Variants in PDE1C observed in about 807,000 individuals in gnomAD.
PDE1C encodes the protein phosphodiesterase 1C.
In PDE1C, 62 loss-of-function variants were observed where a neutral mutation model predicts 93.1. That is an observed-to-expected ratio of 0.67 (90% CI 0.54 to 0.82). The LOEUF is 0.82. Among genes scored for constraint, PDE1C ranks in the 40% least tolerant of loss-of-function variants. The pLI, the probability that PDE1C is intolerant of heterozygous loss-of-function variation, is 0.00. For synonymous variants in PDE1C, 325 were observed against 310.1 expected (o/e 1.05, Z -0.50); for missense variants, 742 against 884.6 (o/e 0.84, Z 2.04).
intron 2 of PDE1C, among the ~76,000 whole-genome samples, chr7:32,043,317 A>T (rs967176513): frequency 2.0e-5 from 3 of 152,122 alleles, no homozygotes; most frequent in Non-Finnish European, 4.4e-5. Context: ...GACTGATTCA[A>T]CCCTGTCAAT....
intron 2 of PDE1C, among the ~76,000 whole-genome samples, chr7:31,944,489 C>G (rs1449406365): frequency 6.6e-6 from 1 of 152,166 alleles, no homozygotes; most frequent in African/African-American, 2.4e-5. Context: ...GATCTTGCAC[C>G]TCACCTAACC....
At chr7:32,387,961 T>C (rs767040721) in intron 1 of PDE1C, among the ~76,000 whole-genome samples, 15 of 152,174 alleles carry the variant, frequency 9.9e-5, no homozygotes, top group African/African-American at 3.4e-4. Flanking sequence ...TCTACACTTA[T>C]GCCTTTGTGT....
At chr7:31,715,016 C>A in the PDE1C span, among the ~76,000 whole-genome samples, 39 of 152,196 alleles carry the variant, frequency 2.6e-4, no homozygotes, top group African/African-American at 9.1e-4. Context: ...GGATTATCAC[C>A]ATATGTTCTC....
chr7:32,097,385 G>A (rs1325724998), intron 3 of PDE1C, among the ~76,000 whole-genome samples: 2 of 152,186 alleles, frequency 1.3e-5, no homozygotes, highest in African/African-American at 4.8e-5. Context: ...AGACCAAAGT[G>A]CCAAACAGCA....
At chr7:32,252,957 T>G (rs1463344816) in intron 1 of PDE1C, among the ~76,000 whole-genome samples, 1 of 152,200 alleles carries the variant, frequency 6.6e-6, no homozygotes, top group East Asian at 1.9e-4. Flanking sequence ...CACCAGCTCT[T>G]GAGACCATAC....
At chr7:32,251,412 C>A (rs1003062440) in intron 1 of PDE1C, among the ~76,000 whole-genome samples, 6 of 152,206 alleles carry the variant, frequency 3.9e-5, no homozygotes, top group African/African-American at 1.4e-4. Context: ...AGACCAGGCA[C>A]CTTCGTCATC....
the PDE1C span, chr7:31,643,056 T>C: frequency 5.0e-6 from 8 of 1,613,836 alleles, no homozygotes; most frequent in African/African-American, 4.0e-5. Flanking sequence ...CTTCCAAATA[T>C]GATCATCCTC....
chr7:31,688,285 G>A, the PDE1C span, among the ~76,000 whole-genome samples: 4 of 152,208 alleles, frequency 2.6e-5, no homozygotes, highest in African/African-American at 9.7e-5. Flanking sequence ...AGTTCACCCA[G>A]CTAGAGAGTG....
chr7:32,168,565 C>G (rs1261850921), intron 3 of PDE1C, among the ~76,000 whole-genome samples: 2 of 152,176 alleles, frequency 1.3e-5, no homozygotes, highest in Admixed American at 1.3e-4. Context: ...TCATGGTCCC[C>G]TCTTTCACCA....
At chr7:32,224,001 C>T (rs1411874588) in intron 1 of PDE1C, among the ~76,000 whole-genome samples, 7 of 152,186 alleles carry the variant, frequency 4.6e-5, no homozygotes, top group Non-Finnish European at 8.8e-5. Flanking sequence ...GCTCCACCTG[C>T]GGCCTTCTCA....
At chr7:31,781,164 G>T (rs777985354) in intron 16 of PDE1C, among the ~76,000 whole-genome samples, 1 of 152,188 alleles carries the variant, frequency 6.6e-6, no homozygotes, top group Non-Finnish European at 1.5e-5. Context: ...CCTAAGACTC[G>T]GGACTTCACA....
At chr7:32,046,213 TAA>T (rs1010966269) in intron 2 of PDE1C, among the ~76,000 whole-genome samples, 19,217 of 147,042 alleles carry the variant, frequency 0.13, 1,403 homozygotes, top group East Asian at 0.28. Flanking sequence ...GCCTTTTTTT[TAA>T]AAAAAAAAAA....
chr7:32,354,418 G>C (rs1047002174), intron 1 of PDE1C, among the ~76,000 whole-genome samples: 4 of 152,146 alleles, frequency 2.6e-5, no homozygotes, highest in African/African-American at 9.7e-5. Flanking sequence ...CTTGAGGCCA[G>C]AAGTTTGAGA....
chr7:31,619,852 G>C, the PDE1C span, among the ~76,000 whole-genome samples: 2 of 152,166 alleles, frequency 1.3e-5, no homozygotes, highest in African/African-American at 4.8e-5. Flanking sequence ...CCCTTTCCTA[G>C]TCAAAGAAAG....
chr7:31,897,485 T>G (rs1362103920), intron 2 of PDE1C, among the ~76,000 whole-genome samples: 1 of 152,206 alleles, frequency 6.6e-6, no homozygotes, highest in Non-Finnish European at 1.5e-5. Context: ...CATATCCAAT[T>G]TTGTGGCATT....
intron 2 of PDE1C, among the ~76,000 whole-genome samples, chr7:32,193,858 T>G (rs1462642015): frequency 6.6e-6 from 1 of 151,792 alleles, no homozygotes; most frequent in Admixed American, 6.6e-5. Flanking sequence ...TCAAATTATC[T>G]ACTTCACATT....
intron 1 of PDE1C, among the ~76,000 whole-genome samples, chr7:32,068,160 A>G (rs1216665302): frequency 6.6e-6 from 1 of 152,212 alleles, no homozygotes; most frequent in Non-Finnish European, 1.5e-5. Flanking sequence ...TGAAAATCCA[A>G]TTATGGTTTG....
intron 3 of PDE1C, among the ~76,000 whole-genome samples, chr7:32,089,562 G>A (rs1455209062): frequency 6.6e-6 from 1 of 152,172 alleles, no homozygotes; most frequent in African/African-American, 2.4e-5. Flanking sequence ...AAGGCTACAA[G>A]TGCAGACACT....
At chr7:31,685,456 T>G in the PDE1C span, among the ~76,000 whole-genome samples, 1 of 152,212 alleles carries the variant, frequency 6.6e-6, no homozygotes, top group Non-Finnish European at 1.5e-5. Flanking sequence ...CACAACGACA[T>G]GTAGATCTAT....
Sources: gnomAD v4.1 joint callset for allele counts (sites outside exome capture counted in the v4.1 genomes callset) on GRCh38, gnomAD v4.1.1 for gene constraint, MANE v1.5 for transcripts, NCBI Gene and HGNC (gene_info 2026-07-23, HGNC 2026-07-21) for gene names.